The following SYTL1 variants were observed in gnomAD, a reference collection of about 807,000 sequenced individuals.
The protein encoded by SYTL1 is synaptotagmin like 1.
Under a neutral mutation model 74.6 loss-of-function variants are expected in SYTL1, and 53 were observed. The ratio of observed to expected loss-of-function variants is 0.71; its 90% CI spans 0.57 to 0.89. The LOEUF is 0.89. Among genes scored for constraint, SYTL1 ranks in the 40% least tolerant of loss-of-function variants. SYTL1 has a pLI of 0.00. For synonymous variants in SYTL1, 329 were observed against 324.9 expected, an observed-to-expected ratio of 1.01 and a Z score of -0.14; for missense variants, 728 against 768.7, an observed-to-expected ratio of 0.95 and a Z score of 0.63.
chr1:27,349,103 T>C lies in SYTL1; in HGVS notation c.483T>C (p.Ser161=), dbSNP rs1571038389. 1 of 1,614,034 alleles carries C rather than the reference T, an allele frequency of 6.2e-7. No individual in the cohort carries two copies. Among genetic ancestry groups the C allele is most frequent in the Admixed American group, 1.7e-5 (1 of 60,012 alleles). The change falls in exon 6 of 15, where the codon TCT becomes TCC. Residue 161 remains serine, a synonymous_variant. Coordinates refer to ENST00000616558, the MANE Select transcript of SYTL1 (RefSeq NM_001193308.2). ...AGGGACCTGATTTCCCATCGCCTTC[T>C]GTCCCCCTAAAGGCTTCAGATCCTG... ...ETEGPDFPSP[S]VPLKASDPEE...
intron 1 of SYTL1, chr1:27,344,792 G>A (rs2014924342): frequency 7.3e-6 from 1 of 137,166 alleles, no homozygotes; most frequent in Admixed American, 8.2e-5. Context: ...GTTGCAGTGA[G>A]ATGAGATCGT....
chr1:27,349,784 G>A lies in SYTL1; in HGVS notation c.747+19G>A. 6.3e-7 allele frequency: 1 copy of A among 1,579,316 alleles called. No individual in the cohort carries two copies. The highest frequency in any genetic ancestry group is 1.1e-5 in the South Asian group (1 of 88,204). ...CTCCACGGTGAGGCGGGAGGGAGGG[G>A]ACCCGGGCGGCCGGGGGGTGGACCC... is the stretch of plus-strand genomic sequence containing the variant. On this transcript the variant is annotated intron_variant, in intron 8 of 14. Transcript: ENST00000616558.
Position 27,350,382 on chromosome 1 carries a change from T to A in SYTL1, c.909-7T>A. On this transcript the variant is annotated splice_polypyrimidine_tract_variant and splice_region_variant and intron_variant, in intron 9 of 14. Coordinates refer to ENST00000616558, the MANE Select transcript of SYTL1 (RefSeq NM_001193308.2). This position sits in a 1 kb window ranked among gnomAD's most constrained non-coding sequence, Gnocchi z 6.3. ...CCCCTCCTCACCTCGGGTTCTCACC[T>A]CCCCAGCTACGTCAAAAGCTACCTC... 1 of 1,613,468 alleles carries A rather than the reference T, an allele frequency of 6.2e-7. No individual in the cohort carries two copies.
chr1:27,353,898 T>G lies in SYTL1; in HGVS notation c.*46T>G, dbSNP rs1423144767. 6.4e-7 allele frequency: 1 copy of G among 1,571,158 alleles called. No individual in the cohort carries two copies. Among genetic ancestry groups the G allele is most frequent in the Non-Finnish European group, 8.7e-7 (1 of 1,147,786 alleles). On this transcript the variant is annotated 3_prime_UTR_variant, in exon 15 of 15. Coordinates refer to ENST00000616558, the MANE Select transcript of SYTL1 (RefSeq NM_001193308.2). Reference sequence around the variant, plus strand: ...TGGACCCCCATCTCAGGGCCTGCCCTTGGCTAAAGTCAATAAAGTCTATTC... The same window carrying G: ...TGGACCCCCATCTCAGGGCCTGCCCGTGGCTAAAGTCAATAAAGTCTATTC...
rs535396893 is a variant in SYTL1 at position 27,347,632 on chromosome 1, A to G, written c.340+63A>G. On this transcript the variant is annotated intron_variant, in intron 3 of 14. Transcript: ENST00000616558. This position sits in a 1 kb window ranked among gnomAD's most constrained non-coding sequence, Gnocchi z 4.9. ...CGTCCAGGGCGCTGGCTGTATGTGGACAGGGAGAGAGGACCACTAGGGCTC... is the reference window on the plus strand; with the variant it reads ...CGTCCAGGGCGCTGGCTGTATGTGGGCAGGGAGAGAGGACCACTAGGGCTC... The G allele has an allele frequency of 3.2e-6, 5 of 1,585,614 alleles. No homozygotes were observed. In the South Asian group the frequency reaches 3.5e-5, roughly 11 times the overall value.
At position 27,343,603 on chromosome 1, in the gene SYTL1, CGTGTGTGT is replaced by C. The variant is rs146612829; in HGVS notation, c.-39+1462_-39+1469del. Among the ~76,000 whole-genome samples, 1 of 147,268 alleles carries C rather than the reference CGTGTGTGT, an allele frequency of 6.8e-6. No homozygotes were observed. The highest frequency in any genetic ancestry group is 2.0e-4 in the East Asian group (1 of 5,084). On this transcript the variant is annotated intron_variant, in intron 1 of 14. Transcript: ENST00000616558. This position sits in a 1 kb window ranked among gnomAD's most constrained non-coding sequence, Gnocchi z 5.2. ...GAGTGAGCAGATGTGTGTGTGTGTA[CGTGTGTGT>C]GTGTGTGTATCTGTCTGTCTAGGTG...
Position 27,347,969 on chromosome 1 carries a change from T to A in SYTL1, c.416T>A (p.Leu139His). 6.2e-7 allele frequency: 1 copy of A among 1,614,108 alleles called. No individual in the cohort carries two copies. The change falls in exon 5 of 15, where the codon CTC becomes CAC. Residue 139 changes from leucine (L) to histidine (H), a missense_variant and splice_region_variant. Transcript: ENST00000616558. The surrounding 1 kb of genome is among the most constrained non-coding windows in gnomAD (Gnocchi z 4.9). Reference protein sequence around the residue: ...KEKEEGPEPRLTIDEAPQERL... With the variant: ...KEKEEGPEPRHTIDEAPQERL... Reference sequence around the variant, plus strand: ...GAGCGTCCTCTCCCTACTCCTAGGCTCACCATTGATGAGGCCCCTCAGGAG... The same window carrying A: ...GAGCGTCCTCTCCCTACTCCTAGGCACACCATTGATGAGGCCCCTCAGGAG...
At chr1:27,353,127 T>C in intron 13 of SYTL1, 156 bp from the exon 14 acceptor site, 1 of 722,880 alleles carries the variant, frequency 1.4e-6, no homozygotes, top group South Asian at 1.8e-5. Flanking sequence ...GAGAGGAGGC[T>C]GGTGCAAAGG....
chr1:27,343,591 TGTGTGTGTGTAC>T lies in SYTL1; in HGVS notation c.-39+1452_-39+1463del, dbSNP rs1224477490. 2.0e-5 allele frequency among the ~76,000 whole-genome samples: 3 copies of T among 150,748 alleles called. No individual in the cohort carries two copies. The highest frequency in any genetic ancestry group is 7.3e-5 in the African/African-American group (3 of 40,910). ...CCTGGTGCGGGGGAGTGAGCAGATG[TGTGTGTGTGTAC>T]GTGTGTGTGTGTGTGTATCTGTCTG... On this transcript the variant is annotated intron_variant, in intron 1 of 14. Coordinates refer to ENST00000616558, the MANE Select transcript of SYTL1 (RefSeq NM_001193308.2). The surrounding 1 kb of genome is among the most constrained non-coding windows in gnomAD (Gnocchi z 5.2).
Position 27,342,423 on chromosome 1 carries a change from C to A in SYTL1, c.-39+273C>A. 1.3e-6 allele frequency: 1 copy of A among 753,930 alleles called. No homozygotes were observed. The highest frequency in any genetic ancestry group is 1.6e-6 in the Non-Finnish European group (1 of 618,526). 46.7% of individuals were successfully genotyped at this position (753,930 alleles called of 1,614,324 possible). ...AGGGGACTTCAGGGAGGGGGCACTGCTGAGGACGCTGGGCTGATGCCCATG... is the reference window on the plus strand; with the variant it reads ...AGGGGACTTCAGGGAGGGGGCACTGATGAGGACGCTGGGCTGATGCCCATG... On this transcript the variant is annotated intron_variant, in intron 1 of 14. Transcript: ENST00000616558. This position sits in a 1 kb window ranked among gnomAD's most constrained non-coding sequence, Gnocchi z 4.7.
At position 27,348,066 on chromosome 1, in the gene SYTL1, G is replaced by A; in HGVS notation, c.459+54G>A. On this transcript the variant is annotated intron_variant, in intron 5 of 14. Coordinates refer to ENST00000616558, the MANE Select transcript of SYTL1 (RefSeq NM_001193308.2). The surrounding 1 kb of genome is among the most constrained non-coding windows in gnomAD (Gnocchi z 4.1). Reference sequence around the variant, plus strand: ...AGTGTCCCTGGAGGGGAGGTGGAATGTGCAGGGGGCAGGGGGGAAAGAGCC... The same window carrying A: ...AGTGTCCCTGGAGGGGAGGTGGAATATGCAGGGGGCAGGGGGGAAAGAGCC... The A allele has an allele frequency of 5.7e-6, 9 of 1,575,618 alleles. No homozygotes were observed. The highest frequency in any genetic ancestry group is 7.0e-6 in the Non-Finnish European group (8 of 1,145,284).
At position 27,350,004 on chromosome 1, in the gene SYTL1, C is replaced by G; in HGVS notation, c.780C>G (p.Asp260Glu). The change falls in exon 9 of 15, where the codon GAC becomes GAG. Residue 260 changes from aspartate to glutamate, a missense_variant. Transcript: ENST00000616558. This position sits in a 1 kb window ranked among gnomAD's most constrained non-coding sequence, Gnocchi z 6.3. ...GCAGCCAGATGAGCCTGTCAGGCGA[C>G]GCGGAGGCGGTGCAGGTCCGCGGCT... is the stretch of plus-strand genomic sequence containing the variant. ...LSGSQMSLSG[D>E]AEAVQVRGSV... 6.4e-7 allele frequency: 1 copy of G among 1,565,220 alleles called. No individual in the cohort carries two copies. Among genetic ancestry groups the G allele is most frequent in the South Asian group, 1.2e-5 (1 of 86,550 alleles).
chr1:27,349,865 GC>G, intron 8 of SYTL1, 100 bp downstream of exon 8: 6 of 1,534,502 alleles, frequency 3.9e-6, no homozygotes, highest in Non-Finnish European at 5.2e-6. Flanking sequence ...CACCGCTGCA[GC>G]CCCCCAGCCT....
At position 27,350,989 on chromosome 1, in the gene SYTL1, C is replaced by G; in HGVS notation, c.1164+37C>G. On this transcript the variant is annotated intron_variant, in intron 11 of 14. Coordinates refer to ENST00000616558, the MANE Select transcript of SYTL1 (RefSeq NM_001193308.2). The surrounding 1 kb of genome is among the most constrained non-coding windows in gnomAD (Gnocchi z 6.3). ...AGGCCGCGTGGGGAGACCTGCGGCC[C>G]GGGTCTCCTGCATTTACCCCACCAG... is the stretch of plus-strand genomic sequence containing the variant. 6.2e-7 allele frequency: 1 copy of G among 1,608,984 alleles called. No homozygotes were observed. The highest frequency in any genetic ancestry group is 8.5e-7 in the Non-Finnish European group (1 of 1,177,974).
intron 6 of SYTL1, 77 bp from the exon 7 acceptor site, chr1:27,349,321 G>A (rs1046163388): frequency 2.1e-4 from 308 of 1,451,242 alleles, no homozygotes; most frequent in Middle Eastern, 7.6e-4. Flanking sequence ...GCTCGCTGGG[G>A]TTGTAAACCA....
rs762228770 is a variant in SYTL1 at position 27,347,400 on chromosome 1, A to C, written c.192-21A>C. The C allele has an allele frequency of 3.1e-6, 5 of 1,613,834 alleles. No individual in the cohort carries two copies. The highest frequency in any genetic ancestry group is 4.2e-6 in the Non-Finnish European group (5 of 1,179,974). On this transcript the variant is annotated intron_variant, in intron 2 of 14. Transcript: ENST00000616558. This position sits in a 1 kb window ranked among gnomAD's most constrained non-coding sequence, Gnocchi z 4.9. The stretch of plus-strand genomic sequence containing the variant: ...GTTGCTTGGGTGAGTCATGACAGCC[A>C]CACCCTCCCCCTTCCTCCAGCAAGC...
Position 27,349,689 on chromosome 1 carries a change from A to G in SYTL1, c.671A>G (p.Glu224Gly), listed in dbSNP as rs2148034569. The G allele has an allele frequency of 5.6e-6, 9 of 1,611,108 alleles. No individual in the cohort carries two copies. The highest frequency in any genetic ancestry group is 7.6e-6 in the Non-Finnish European group (9 of 1,179,224). The change falls in exon 8 of 15, where the codon GAG becomes GGG. Residue 224 changes from glutamate to glycine, a missense_variant. Glu to Gly is a moderately conservative substitution (Grantham distance 98, BLOSUM62 -2). Transcript: ENST00000616558. ...TCCCAGATCCTGGAGAATGGGGAGG[A>G]GGCCCCGGGGCCCGACCCCTCTCTC... Reference protein sequence around the residue: ...AASQILENGEEAPGPDPSLDR... With the variant: ...AASQILENGEGAPGPDPSLDR...
rs1571044106 is a variant in SYTL1, at chr1:27,350,729, C to T, written c.1006-65C>T. 6.4e-7 allele frequency: 1 copy of T among 1,573,132 alleles called. No homozygotes were observed. Among genetic ancestry groups the T allele is most frequent in the East Asian group, 2.3e-5 (1 of 44,382 alleles). On this transcript the variant is annotated intron_variant, in intron 10 of 14. Coordinates refer to ENST00000616558, the MANE Select transcript of SYTL1 (RefSeq NM_001193308.2). The surrounding 1 kb of genome is among the most constrained non-coding windows in gnomAD (Gnocchi z 6.3). ...GGAACGCGGTAGGACCTGCCTCAGC[C>T]AACTCGCGCAGCATCTACGCGGGCC...
chr1:27,349,268 A>T, intron 6 of SYTL1, 116 bp downstream of exon 6: 2 of 1,458,226 alleles, frequency 1.4e-6, no homozygotes, highest in Non-Finnish European at 1.8e-6. Context: ...CCCGCGTCGG[A>T]GGTGGGGACG....
Sources: gnomAD v4.1 joint callset for allele counts (sites outside exome capture counted in the v4.1 genomes callset) on GRCh38, gnomAD v4.1.1 for gene constraint, Gnocchi (gnomAD v3.1) non-coding constraint, MANE v1.5 for transcripts, NCBI Gene and HGNC (gene_info 2026-07-23, HGNC 2026-07-21) for gene names.